Variants in GRIK3 observed in about 807,000 individuals in gnomAD.
The protein encoded by GRIK3 is glutamate ionotropic receptor kainate type subunit 3.
In GRIK3, 29 loss-of-function variants were observed where a neutral mutation model predicts 102.5. The ratio of observed to expected loss-of-function variants is 0.28; its 90% CI spans 0.21 to 0.39. GRIK3 has a LOEUF of 0.39. GRIK3 is among the 10% of genes least tolerant of loss of function. The probability of loss-of-function intolerance (pLI) is 1.00; values close to 1 mark genes in which losing one functional copy is unlikely to be tolerated. For missense variants in GRIK3, 908 were observed against 1,252.4 expected, an observed-to-expected ratio of 0.73 and a Z score of 4.15; for synonymous variants, 511 against 504.9, an observed-to-expected ratio of 1.01 and a Z score of -0.16.
At chr1:36,927,283 G>C (rs1010099691) in intron 1 of GRIK3, among the ~76,000 whole-genome samples, 2 of 152,060 alleles carry the variant, frequency 1.3e-5, no homozygotes, top group African/African-American at 4.8e-5. Context: ...AATTCTTCTC[G>C]TTTTCTCCAT....
chr1:36,838,975 G>A (rs554564762), intron 10 of GRIK3, among the ~76,000 whole-genome samples: 7 of 152,294 alleles, frequency 4.6e-5, no homozygotes, highest in East Asian at 1.9e-4. Flanking sequence ...CTGGCTGCTC[G>A]GAGGCCGTGG....
chr1:36,901,824 C>T (rs997118914), intron 1 of GRIK3, among the ~76,000 whole-genome samples: 7 of 152,128 alleles, frequency 4.6e-5, no homozygotes, highest in African/African-American at 7.2e-5. Context: ...AGAAAATCCA[C>T]GTGAATCAGG....
At chr1:37,008,205 G>A (rs1642552638) in intron 1 of GRIK3, among the ~76,000 whole-genome samples, 1 of 152,238 alleles carries the variant, frequency 6.6e-6, no homozygotes, top group Non-Finnish European at 1.5e-5. Context: ...GGAAGAGCCA[G>A]ACTTGGGGCT....
At chr1:36,902,259 A>T (rs1268988876) in intron 1 of GRIK3, among the ~76,000 whole-genome samples, 1 of 152,228 alleles carries the variant, frequency 6.6e-6, no homozygotes, top group African/African-American at 2.4e-5. Context: ...GAGGCAAAAG[A>T]CCAGAATAAT....
rs977609812 is a variant in GRIK3, at chr1:36,819,544, T to G, written c.1873+192A>C. On this transcript the variant is annotated intron_variant, in intron 12 of 15. Transcript: ENST00000373091. This position sits in a 1 kb window ranked among gnomAD's most constrained non-coding sequence, Gnocchi z 4.1. ...GACCCTGAGCCAGCTCCAGCCAGAGTGAAGGTGGAAGTTAGGGGTCTGGGG... is the reference window on the plus strand; with the variant it reads ...GACCCTGAGCCAGCTCCAGCCAGAGGGAAGGTGGAAGTTAGGGGTCTGGGG... Among the ~76,000 whole-genome samples, 2 of 151,744 alleles carry G rather than the reference T, an allele frequency of 1.3e-5. No individual in the cohort carries two copies. The highest frequency in any genetic ancestry group is 2.4e-5 in the African/African-American group (1 of 41,278).
At chr1:36,958,892 GTCTGTGCCTTGTGAC>G in intron 1 of GRIK3, among the ~76,000 whole-genome samples, 1 of 116,062 alleles carries the variant, frequency 8.6e-6, no homozygotes, top group Admixed American at 8.6e-5. Context: ...TGCCCTGTGA[GTCTGTGCCTTGTGAC>G]TCTGTGCCCC....
At chr1:36,822,033 T>C (rs1217667032) in intron 11 of GRIK3, among the ~76,000 whole-genome samples, 18 of 152,248 alleles carry the variant, frequency 1.2e-4, no homozygotes, top group Non-Finnish European at 1.0e-4. Flanking sequence ...ATCTACCTCA[T>C]GCTCTGTGAC....
At chr1:36,928,949 T>C (rs747420195) in intron 1 of GRIK3, among the ~76,000 whole-genome samples, 4 of 152,224 alleles carry the variant, frequency 2.6e-5, no homozygotes, top group Non-Finnish European at 5.9e-5. Context: ...GAATGGGTAA[T>C]ATACATAATG....
At chr1:36,887,188 G>C (rs1323943064) in intron 2 of GRIK3, among the ~76,000 whole-genome samples, 3 of 152,138 alleles carry the variant, frequency 2.0e-5, no homozygotes, top group Non-Finnish European at 4.4e-5. Flanking sequence ...GAAAATCAAT[G>C]TGAGATAGAT....
intron 10 of GRIK3, among the ~76,000 whole-genome samples, chr1:36,838,688 T>C (rs567997): frequency 0.19 from 29,346 of 151,772 alleles, 3,370 homozygotes; most frequent in African/African-American, 0.32. Flanking sequence ...CCCCGGGGGG[T>C]GGACACTTAC....
chr1:36,828,474 C>T (rs1051069844), intron 10 of GRIK3, among the ~76,000 whole-genome samples: 2 of 152,208 alleles, frequency 1.3e-5, no homozygotes, highest in Non-Finnish European at 2.9e-5. Flanking sequence ...CTACAGTATT[C>T]AGTAGAGTAG....
chr1:36,983,500 G>A (rs911433279), intron 1 of GRIK3, among the ~76,000 whole-genome samples: 19 of 152,114 alleles, frequency 1.2e-4, no homozygotes, highest in South Asian at 2.1e-4. Flanking sequence ...TGCTCTCCAC[G>A]TCTTTATTCC....
Position 36,819,950 on chromosome 1 carries a change from T to C in GRIK3, c.1755-96A>G, listed in dbSNP as rs1055122083. Reference sequence around the variant, plus strand: ...AGCAAACACAGCTGTGCCAGCCGCCTCAGCGTCAATATCCTCATGGTTCTG... The same window carrying C: ...AGCAAACACAGCTGTGCCAGCCGCCCCAGCGTCAATATCCTCATGGTTCTG... On this transcript the variant is annotated intron_variant, in intron 11 of 15. Transcript: ENST00000373091. The surrounding 1 kb of genome is among the most constrained non-coding windows in gnomAD (Gnocchi z 4.1). 11 of 700,136 alleles carry C rather than the reference T, an allele frequency of 1.6e-5. No individual in the cohort carries two copies. In the African/African-American group the frequency reaches 1.9e-4, roughly 12 times the overall value. The allele number at this position is 700,136 out of a possible 1,614,324, so 43.4% of individuals were successfully genotyped here.
At chr1:36,945,573 G>A (rs1453390359) in intron 1 of GRIK3, among the ~76,000 whole-genome samples, 3 of 152,234 alleles carry the variant, frequency 2.0e-5, no homozygotes, top group Non-Finnish European at 4.4e-5. Context: ...ATGTACAAGA[G>A]AATACAGATA....
chr1:36,926,992 C>A (rs867916686), intron 1 of GRIK3, among the ~76,000 whole-genome samples: 7 of 152,166 alleles, frequency 4.6e-5, no homozygotes, highest in African/African-American at 1.7e-4. Context: ...TAAAGTTGAA[C>A]AGACACATTT....
chr1:36,841,558 A>G (rs1640449711), intron 10 of GRIK3, among the ~76,000 whole-genome samples, 178 bp downstream of exon 10: 1 of 152,114 alleles, frequency 6.6e-6, no homozygotes, highest in African/African-American at 2.4e-5. Context: ...AGCCCATGAG[A>G]GCTGGGGTGC....
chr1:36,822,744 C>G (rs1003008705), intron 11 of GRIK3, among the ~76,000 whole-genome samples: 1 of 152,096 alleles, frequency 6.6e-6, no homozygotes, highest in Non-Finnish European at 1.5e-5. Flanking sequence ...AATGTGGCCC[C>G]CAGGAAGTAG....
At chr1:36,961,755 C>T (rs1642012405) in intron 1 of GRIK3, among the ~76,000 whole-genome samples, 1 of 152,250 alleles carries the variant, frequency 6.6e-6, no homozygotes. Context: ...GGTTGTCCTG[C>T]TTTCATTCAA....
rs190563038 is a variant in GRIK3 at position 36,895,474 on chromosome 1, C to T, written c.116-4378G>A. On this transcript the variant is annotated intron_variant, in intron 1 of 15. Coordinates refer to ENST00000373091, the MANE Select transcript of GRIK3 (RefSeq NM_000831.4). Reference sequence around the variant, plus strand: ...GTTAGAGATAAAAAGCAAAACAAAACGAAATACTGTAACAGAAATGAAGAG... The same window carrying T: ...GTTAGAGATAAAAAGCAAAACAAAATGAAATACTGTAACAGAAATGAAGAG... Among the ~76,000 whole-genome samples the T allele has an allele frequency of 1.9e-3, 295 of 151,534 alleles. 6 individuals carry two copies. The highest frequency in any genetic ancestry group is 1.0e-3 in the Non-Finnish European group (68 of 67,868).
Sources: allele counts gnomAD v4.1 joint callset (sites outside exome capture counted in the v4.1 genomes callset), GRCh38; gene constraint gnomAD v4.1.1; non-coding constraint Gnocchi (gnomAD v3.1); transcripts MANE v1.5; gene names NCBI Gene and HGNC (gene_info 2026-07-23, HGNC 2026-07-21).